PELI2: variants seen among roughly 807,000 people sequenced by gnomAD.
PELI2 encodes E3 ubiquitin-protein ligase pellino homolog 2.
A neutral mutation model predicts 42.3 loss-of-function variants in PELI2; 23 were observed. The observed-to-expected ratio is 0.54, with a 90% CI of 0.39 to 0.77. The LOEUF is 0.77. Among genes scored for constraint, PELI2 ranks in the 30% least tolerant of loss-of-function variants. The probability of loss-of-function intolerance (pLI) is 0.00; values close to 1 mark genes in which losing one functional copy is unlikely to be tolerated. For synonymous variants in PELI2, 245 were observed against 212.2 expected (o/e 1.15, Z -1.34); for missense variants, 463 against 553.2 (o/e 0.84, Z 1.64).
At chr14:56,289,953 A>G (rs1889773301) in intron 4 of PELI2, among the ~76,000 whole-genome samples, 1 of 152,176 alleles carries the variant, frequency 6.6e-6, no homozygotes, top group African/African-American at 2.4e-5. Context: ...AACACACCAG[A>G]TTCCTGGAAT....
intron 2 of PELI2, among the ~76,000 whole-genome samples, chr14:56,222,271 C>T (rs537609217): frequency 1.3e-5 from 2 of 152,236 alleles, no homozygotes; most frequent in Admixed American, 6.5e-5. Flanking sequence ...AGCTGTGATT[C>T]GTTTTTTCCA....
chr14:56,279,648 A>G (rs1222799481), intron 2 of PELI2, 28 bp from the exon 3 acceptor site: 25 of 1,273,072 alleles, frequency 2.0e-5, no homozygotes, highest in Non-Finnish European at 2.8e-5. Context: ...TGGAATTGTA[A>G]TGGATTTTTT....
chr14:56,182,978 G>A, intron 2 of PELI2, among the ~76,000 whole-genome samples: 1 of 152,090 alleles, frequency 6.6e-6, no homozygotes, highest in East Asian at 1.9e-4. Flanking sequence ...CTTCGGGAGA[G>A]TCATCACCTT....
At chr14:56,289,292 A>C (rs893003085) in intron 4 of PELI2, among the ~76,000 whole-genome samples, 1 of 152,150 alleles carries the variant, frequency 6.6e-6, no homozygotes, top group African/African-American at 2.4e-5. Flanking sequence ...CATCCAGTGC[A>C]CTGGGTTCTC....
At chr14:56,179,312 G>T (rs896624492) in intron 2 of PELI2, among the ~76,000 whole-genome samples, 6 of 152,056 alleles carry the variant, frequency 3.9e-5, no homozygotes, top group African/African-American at 1.4e-4. Context: ...TGAGAGTCTT[G>T]ATTTCCATTT....
At chr14:56,233,276 A>G (rs1222046355) in intron 2 of PELI2, among the ~76,000 whole-genome samples, 1 of 152,224 alleles carries the variant, frequency 6.6e-6, no homozygotes, top group African/African-American at 2.4e-5. Context: ...ATGGAACCGA[A>G]AAAAGAGCCC....
chr14:56,168,605 G>T (rs970693350), intron 1 of PELI2, among the ~76,000 whole-genome samples: 2 of 151,982 alleles, frequency 1.3e-5, no homozygotes, highest in African/African-American at 4.8e-5. Flanking sequence ...GACCAGAAAT[G>T]CCATCCAAGA....
At chr14:56,176,300 G>A (rs11845193) in intron 1 of PELI2, among the ~76,000 whole-genome samples, 61,682 of 151,992 alleles carry the variant, frequency 0.41, 13,152 homozygotes, top group South Asian at 0.52. Context: ...AAGATGCAGC[G>A]CAGAGTTGTG....
intron 2 of PELI2, among the ~76,000 whole-genome samples, chr14:56,237,532 C>G (rs1216356165): frequency 6.6e-6 from 1 of 151,962 alleles, no homozygotes; most frequent in Non-Finnish European, 1.5e-5. Flanking sequence ...ATGAATCTCC[C>G]TTTCCCATGT....
chr14:56,145,000 G>A, intron 1 of PELI2: 1 of 980,528 alleles, frequency 1.0e-6, no homozygotes, highest in Non-Finnish European at 1.2e-6. Context: ...AAGACCAAAA[G>A]GTGGGTGTTA....
intron 2 of PELI2, among the ~76,000 whole-genome samples, chr14:56,214,334 G>A (rs1484763870): frequency 2.0e-5 from 3 of 152,148 alleles, no homozygotes; most frequent in Non-Finnish European, 2.9e-5. Context: ...ATTTGGGATA[G>A]GAAATGATGC....
rs1889175852 is a variant in PELI2, at chr14:56,273,477, G to T, written c.208-6199G>T. ...TCTTCAGGACAGAAAGTTAAGGGCT[G>T]CAAAAAAGCTGATTATAAAATTCCT... is the stretch of plus-strand genomic sequence containing the variant. On this transcript the variant is annotated intron_variant, in intron 2 of 5. Coordinates refer to ENST00000267460, the MANE Select transcript of PELI2 (RefSeq NM_021255.3). The surrounding 1 kb of genome is among the most constrained non-coding windows in gnomAD (Gnocchi z 4.3). Among the ~76,000 whole-genome samples, 1 of 152,176 alleles carries T rather than the reference G, an allele frequency of 6.6e-6. No individual in the cohort carries two copies. Among genetic ancestry groups the T allele is most frequent in the African/African-American group, 2.4e-5 (1 of 41,444 alleles).
At chr14:56,122,135 A>C (rs1425012586) in intron 1 of PELI2, among the ~76,000 whole-genome samples, 1 of 152,190 alleles carries the variant, frequency 6.6e-6, no homozygotes, top group Non-Finnish European at 1.5e-5. Context: ...TTAGAACTGA[A>C]TAGCATTAGG....
intron 1 of PELI2, among the ~76,000 whole-genome samples, chr14:56,168,960 G>T (rs1452601458): frequency 6.6e-6 from 1 of 152,084 alleles, no homozygotes; most frequent in African/African-American, 2.4e-5. Flanking sequence ...GTTGTATCTA[G>T]AAATGTCATC....
At chr14:56,151,011 A>G (rs1326414032) in intron 1 of PELI2, among the ~76,000 whole-genome samples, 1 of 152,264 alleles carries the variant, frequency 6.6e-6, no homozygotes, top group African/African-American at 2.4e-5. Flanking sequence ...GTTAAGAACT[A>G]TGAAAATGAA....
At chr14:56,239,544 C>T (rs1247152923) in intron 2 of PELI2, among the ~76,000 whole-genome samples, 2 of 152,140 alleles carry the variant, frequency 1.3e-5, no homozygotes, top group African/African-American at 4.8e-5. Context: ...CTAATTACAA[C>T]ATATTTGTAA....
At chr14:56,287,596 A>G (rs1414963365) in intron 3 of PELI2, among the ~76,000 whole-genome samples, 3 of 152,232 alleles carry the variant, frequency 2.0e-5, no homozygotes, top group East Asian at 1.9e-4. Context: ...TTAAGTTTCA[A>G]TGAAACCAGC....
At chr14:56,236,533 C>T (rs1887802905) in intron 2 of PELI2, among the ~76,000 whole-genome samples, 1 of 152,180 alleles carries the variant, frequency 6.6e-6, no homozygotes, top group African/African-American at 2.4e-5. Flanking sequence ...AAAGCGTTTA[C>T]AGTTCTGATT....
chr14:56,203,078 T>C (rs557720430), intron 2 of PELI2, among the ~76,000 whole-genome samples: 4 of 152,208 alleles, frequency 2.6e-5, no homozygotes, highest in Non-Finnish European at 5.9e-5. Flanking sequence ...AGAAATTAAT[T>C]TATTGCATGT....
Sources: gnomAD v4.1 joint callset for allele counts (sites outside exome capture counted in the v4.1 genomes callset) on GRCh38, gnomAD v4.1.1 for gene constraint, Gnocchi (gnomAD v3.1) non-coding constraint, MANE v1.5 for transcripts, NCBI Gene and HGNC (gene_info 2026-07-23, HGNC 2026-07-21) for gene names.